Variants in DISC1 observed in about 807,000 individuals in gnomAD.
The protein encoded by DISC1 is DISC1 scaffold protein.
Under a neutral mutation model 84.5 loss-of-function variants are expected in DISC1, and 57 were observed. That is an observed-to-expected ratio of 0.67 (90% CI 0.55 to 0.84). The LOEUF (loss-of-function observed/expected upper bound fraction) is 0.84, where lower values mean the gene tolerates loss of function less well. Ranked by LOEUF, DISC1 falls within the 40% of genes least tolerant of loss-of-function variation. The pLI, the probability that DISC1 is intolerant of heterozygous loss-of-function variation, is 0.00. For missense variants in DISC1, 1,000 were observed against 1,057.8 expected, an observed-to-expected ratio of 0.95 and a Z score of 0.76; for synonymous variants, 411 against 415.2, an observed-to-expected ratio of 0.99 and a Z score of 0.12.
rs1038529360 is a variant in DISC1, at chr1:231,626,841, G to C, written c.-27G>C. The stretch of plus-strand genomic sequence containing the variant: ...GAAGGAGCAGGAGGCAGCCCAGGCG[G>C]AGCGGGAGGAGCTGGCAGCGGGGCG... On this transcript the variant is annotated 5_prime_UTR_variant, in exon 1 of 13. Coordinates refer to ENST00000439617, the MANE Select transcript of DISC1 (RefSeq NM_018662.3). 5.6e-6 allele frequency: 8 copies of C among 1,432,044 alleles called. No individual in the cohort carries two copies. In the African/African-American group the frequency reaches 1.1e-4, roughly 19 times the overall value. 88.7% of individuals were successfully genotyped at this position (1,432,044 alleles called of 1,614,324 possible).
intron 1 of DISC1, among the ~76,000 whole-genome samples, chr1:231,637,488 C>A (rs1165694863): frequency 6.6e-6 from 1 of 152,226 alleles, no homozygotes; most frequent in Non-Finnish European, 1.5e-5. Flanking sequence ...TCTCATCCTT[C>A]ACTCCTCCTA....
intron 1 of DISC1, among the ~76,000 whole-genome samples, chr1:231,641,737 C>T (rs2059708107): frequency 6.6e-6 from 1 of 152,242 alleles, no homozygotes; most frequent in African/African-American, 2.4e-5. Flanking sequence ...TCGCCACCTC[C>T]CCACCAGATT....
At chr1:231,674,243 T>G (rs997677106) in intron 1 of DISC1, among the ~76,000 whole-genome samples, 3 of 148,392 alleles carry the variant, frequency 2.0e-5, no homozygotes, top group Non-Finnish European at 4.4e-5. Context: ...GTCAAGCTAG[T>G]TTTTGATTTT....
chr1:231,961,688 A>G (rs373639603), intron 10 of DISC1, among the ~76,000 whole-genome samples: 2 of 152,164 alleles, frequency 1.3e-5, no homozygotes, highest in East Asian at 3.9e-4. Flanking sequence ...AGCTACATCC[A>G]TGTTTCTGCA....
chr1:232,029,174 A>G (rs1034242650), intron 12 of DISC1, among the ~76,000 whole-genome samples: 1 of 152,218 alleles, frequency 6.6e-6, no homozygotes, highest in African/African-American at 2.4e-5. Flanking sequence ...TAAGCGGAGA[A>G]GCACTGGTTT....
intron 11 of DISC1, among the ~76,000 whole-genome samples, chr1:232,021,464 A>G (rs1049163640): frequency 1.3e-5 from 2 of 152,100 alleles, no homozygotes; most frequent in African/African-American, 4.8e-5. Flanking sequence ...GGCAGTGGTC[A>G]CTTGTTGTAA....
chr1:231,695,271 C>T (rs945828210), intron 2 of DISC1, among the ~76,000 whole-genome samples: 2 of 152,192 alleles, frequency 1.3e-5, no homozygotes, highest in Non-Finnish European at 1.5e-5. Context: ...TCCACAGGGT[C>T]GGGAGACTTC....
At chr1:231,811,896 G>A (rs1411303990) in intron 8 of DISC1, among the ~76,000 whole-genome samples, 1 of 152,150 alleles carries the variant, frequency 6.6e-6, no homozygotes, top group Non-Finnish European at 1.5e-5. Context: ...GGAAATCAAG[G>A]ACAATCATTA....
intron 9 of DISC1, among the ~76,000 whole-genome samples, chr1:231,902,334 A>G (rs991245717): frequency 6.6e-6 from 1 of 152,146 alleles, no homozygotes; most frequent in African/African-American, 2.4e-5. Flanking sequence ...TACAATTATT[A>G]TTATAAAAAT....
At chr1:231,719,156 C>T (rs1195523642) in intron 3 of DISC1, among the ~76,000 whole-genome samples, 1 of 152,084 alleles carries the variant, frequency 6.6e-6, no homozygotes, top group Non-Finnish European at 1.5e-5. Flanking sequence ...GTTTCAGTGC[C>T]CCTTCTTTTG....
chr1:232,025,194 T>C (rs1205706470), intron 11 of DISC1, among the ~76,000 whole-genome samples: 1 of 152,250 alleles, frequency 6.6e-6, no homozygotes, highest in Middle Eastern at 3.4e-3. Context: ...AAATTATTAT[T>C]TGGGGCCTTT....
At chr1:231,650,877 G>A (rs574072487) in intron 1 of DISC1, among the ~76,000 whole-genome samples, 16 of 152,074 alleles carry the variant, frequency 1.1e-4, no homozygotes, top group East Asian at 3.9e-4. Flanking sequence ...TTGTGCATGC[G>A]TCATGTAGTT....
In DISC1 at chr1:231,954,124, T is replaced by C. The variant is rs1269595573; in HGVS notation, c.1982-4704T>C. Among the ~76,000 whole-genome samples the C allele has an allele frequency of 6.6e-6, 1 of 152,212 alleles. No homozygotes were observed. The highest frequency in any genetic ancestry group is 1.5e-5 in the Non-Finnish European group (1 of 68,040). Reference sequence around the variant, plus strand: ...TGCTGGGTAGCTTGGTTATTTTTTTTCCCATCAGACTCATAGGGATATTTT... The same window carrying C: ...TGCTGGGTAGCTTGGTTATTTTTTTCCCCATCAGACTCATAGGGATATTTT... On this transcript the variant is annotated intron_variant, in intron 9 of 12. Transcript: ENST00000439617. This position sits in a 1 kb window ranked among gnomAD's most constrained non-coding sequence, Gnocchi z 4.8.
chr1:232,018,218 A>G lies in DISC1; in HGVS notation c.2308-8217A>G, dbSNP rs561907382. Reference sequence around the variant, plus strand: ...TACAGCCTGATGAGATATTGTTACCAGATACTTTCTCTTATCAAAACAACC... The same window carrying G: ...TACAGCCTGATGAGATATTGTTACCGGATACTTTCTCTTATCAAAACAACC... On this transcript the variant is annotated intron_variant, in intron 11 of 12. Coordinates refer to ENST00000439617, the MANE Select transcript of DISC1 (RefSeq NM_018662.3). 3.9e-5 allele frequency among the ~76,000 whole-genome samples: 6 copies of G among 152,326 alleles called. No individual in the cohort carries two copies. In the South Asian group the frequency reaches 8.3e-4, roughly 21 times the overall value.
intron 9 of DISC1, among the ~76,000 whole-genome samples, chr1:231,955,304 G>C (rs1659239432): frequency 6.6e-6 from 1 of 152,066 alleles, no homozygotes; most frequent in African/African-American, 2.4e-5. Flanking sequence ...TCCAGACTCA[G>C]ATATCCAACC....
intron 3 of DISC1, among the ~76,000 whole-genome samples, chr1:231,742,552 C>CACAA (rs1432328681): frequency 6.6e-6 from 1 of 152,044 alleles, no homozygotes; most frequent in Non-Finnish European, 1.5e-5. Flanking sequence ...GCAGGAAGAT[C>CACAA]ACTTGAGGCC....
chr1:231,892,894 G>A (rs1373830259), intron 9 of DISC1, among the ~76,000 whole-genome samples: 2 of 152,146 alleles, frequency 1.3e-5, no homozygotes, highest in African/African-American at 4.8e-5. Flanking sequence ...AGGTATAGTG[G>A]CTCATACCTG....
intron 1 of DISC1, among the ~76,000 whole-genome samples, chr1:231,643,400 T>C (rs902367867): frequency 6.6e-6 from 1 of 152,230 alleles, no homozygotes; most frequent in Non-Finnish European, 1.5e-5. Flanking sequence ...CATGGTGGCT[T>C]GGGGACTGGG....
intron 5 of DISC1, 123 bp from the exon 6 acceptor site, chr1:231,770,712 A>G (rs2125456045): frequency 6.6e-7 from 1 of 1,506,946 alleles, no homozygotes; most frequent in Admixed American, 2.0e-5. Flanking sequence ...TGCCTGCCTC[A>G]GAAGGGGAGT....
Sources: gnomAD v4.1 joint callset for allele counts (sites outside exome capture counted in the v4.1 genomes callset) on GRCh38, gnomAD v4.1.1 for gene constraint, Gnocchi (gnomAD v3.1) non-coding constraint, MANE v1.5 for transcripts, NCBI Gene and HGNC (gene_info 2026-07-23, HGNC 2026-07-21) for gene names.